The following PHLPP2 variants were observed in gnomAD, a reference collection of about 807,000 sequenced individuals.
The protein encoded by PHLPP2 is PH domain and leucine rich repeat protein phosphatase 2, also known as PH domain leucine-rich repeat-containing protein phosphatase 2.
PHLPP2 carries 66 observed loss-of-function variants against 124.9 expected under a neutral mutation model. That is an observed-to-expected ratio of 0.53 (90% CI 0.43 to 0.65). PHLPP2 has a LOEUF of 0.65. Among genes scored for constraint, PHLPP2 ranks in the 30% least tolerant of loss-of-function variants. The pLI, the probability that PHLPP2 is intolerant of heterozygous loss-of-function variation, is 0.00. For missense variants in PHLPP2, 1,685 were observed against 1,600.4 expected (o/e 1.05, Z -0.90); for synonymous variants, 681 against 624.7 (o/e 1.09, Z -1.34).
At position 71,695,266 on chromosome 16, in the gene PHLPP2, T is replaced by G. The variant is rs557190143; in HGVS notation, c.419-4557A>C. On this transcript the variant is annotated intron_variant, in intron 3 of 18. Coordinates refer to ENST00000568954, the MANE Select transcript of PHLPP2 (RefSeq NM_015020.3). ...ATAATTTCATTCTTAGAGATCACTCTGAAGGAATACAGGTGCATAAAGAGA... is the reference window on the plus strand; with the variant it reads ...ATAATTTCATTCTTAGAGATCACTCGGAAGGAATACAGGTGCATAAAGAGA... Among the ~76,000 whole-genome samples the G allele has an allele frequency of 7.7e-4, 117 of 152,342 alleles. 1 individual carries two copies. The highest frequency in any genetic ancestry group is 2.7e-3 in the African/African-American group (114 of 41,580).
chr16:71,664,641 A>G (rs1003022037), intron 12 of PHLPP2, among the ~76,000 whole-genome samples: 1 of 152,050 alleles, frequency 6.6e-6, no homozygotes, highest in Non-Finnish European at 1.5e-5. Flanking sequence ...AGTCCCAGCT[A>G]CTCGGGAGGC....
chr16:71,669,000 C>T (rs1370701503), intron 11 of PHLPP2, among the ~76,000 whole-genome samples: 1 of 152,162 alleles, frequency 6.6e-6, no homozygotes, highest in Non-Finnish European at 1.5e-5. Flanking sequence ...ACTATTATTA[C>T]TATCATGTCA....
intron 2 of PHLPP2, among the ~76,000 whole-genome samples, chr16:71,711,888 GA>G (rs2045326622): frequency 6.6e-6 from 1 of 152,188 alleles, no homozygotes; most frequent in Non-Finnish European, 1.5e-5. Context: ...AAACAATCTT[GA>G]AATAAGCATG....
intron 1 of PHLPP2, among the ~76,000 whole-genome samples, chr16:71,719,531 C>T (rs1331013686): frequency 2.0e-5 from 3 of 151,922 alleles, no homozygotes; most frequent in African/African-American, 7.3e-5. Flanking sequence ...CACAATGAGG[C>T]TATCTCTCTA....
At chr16:71,679,723 T>C (rs2044979486) in intron 6 of PHLPP2, among the ~76,000 whole-genome samples, 188 bp from the exon 7 acceptor site, 1 of 152,272 alleles carries the variant, frequency 6.6e-6, no homozygotes, top group Non-Finnish European at 1.5e-5. Context: ...GATGACTAAT[T>C]CACAGTCCAT....
At chr16:71,657,481 G>A (rs370302174) in intron 15 of PHLPP2, among the ~76,000 whole-genome samples, 20 of 151,416 alleles carry the variant, frequency 1.3e-4, no homozygotes, top group Admixed American at 9.9e-4. Context: ...TACAAGCTCC[G>A]CCTCCCGGGT....
Position 71,656,589 on chromosome 16 carries a change from A to T in PHLPP2, c.2372T>A (p.Met791Lys). 2 of 1,608,632 alleles carry T rather than the reference A, an allele frequency of 1.2e-6. No homozygotes were observed. Among genetic ancestry groups the T allele is most frequent in the Non-Finnish European group, 1.7e-6 (2 of 1,175,102 alleles). ...STFWSHGLAE[M>K]AGQRNKLCVS... Reference sequence around the variant, plus strand: ...TACTCACTTATTTCTCTGCCCTGCCATCTCAGCCAGTCCATGGCTCCAGAA... The same window carrying T: ...TACTCACTTATTTCTCTGCCCTGCCTTCTCAGCCAGTCCATGGCTCCAGAA... The change falls in exon 16 of 19, where the codon ATG (methionine) becomes AAG (lysine). Residue 791 changes from methionine to lysine, a missense_variant. By Grantham distance (95) the Met-to-Lys change is moderately conservative. Coordinates refer to ENST00000568954, the MANE Select transcript of PHLPP2 (RefSeq NM_015020.3).
Position 71,679,385 on chromosome 16 carries a change from T to G in PHLPP2, c.1037+4A>C. The G allele has an allele frequency of 6.2e-7, 1 of 1,613,210 alleles. No homozygotes were observed. Among genetic ancestry groups the G allele is most frequent in the Non-Finnish European group, 8.5e-7 (1 of 1,179,226 alleles). The stretch of plus-strand genomic sequence containing the variant: ...AAAAGAGGAATCTAGTAAAAGTTAC[T>G]TACTTTAGCAGATTGCCAATTTGAC... On this transcript the variant is annotated splice_donor_region_variant and intron_variant, in intron 7 of 18. Coordinates refer to ENST00000568954, the MANE Select transcript of PHLPP2 (RefSeq NM_015020.3).
chr16:71,665,047 C>T (rs1053216648), intron 12 of PHLPP2, among the ~76,000 whole-genome samples: 3 of 152,128 alleles, frequency 2.0e-5, no homozygotes, highest in South Asian at 2.1e-4. Context: ...AGGTGGCTCA[C>T]GCCTGTAATC....
Position 71,649,132 on chromosome 16 carries a change from A to C in PHLPP2, c.3730T>G (p.Ser1244Ala). 1 of 1,613,966 alleles carries C rather than the reference A, an allele frequency of 6.2e-7. No individual in the cohort carries two copies. Among genetic ancestry groups the C allele is most frequent in the Non-Finnish European group, 8.5e-7 (1 of 1,179,920 alleles). ...CLYGKKLSNG[S>A]IVPLEDSLNL... ...AGGCTGTCCTCTAGGGGCACAATAG[A>C]GCCATTGGAGAGTTTCTTCCCATAG... Residue 1244 changes from serine (S) to alanine (A), a missense_variant, in exon 19 of 19, where the codon TCT (serine) becomes GCT (alanine). By Grantham distance (99) the Ser-to-Ala change is moderately conservative. Coordinates refer to ENST00000568954, the MANE Select transcript of PHLPP2 (RefSeq NM_015020.3).
intron 4 of PHLPP2, among the ~76,000 whole-genome samples, chr16:71,688,604 G>A (rs2045075891): frequency 7.2e-6 from 1 of 138,626 alleles, no homozygotes; most frequent in Admixed American, 7.6e-5. Context: ...AAATTTCTCT[G>A]TGGGTTTTTT....
chr16:71,699,175 G>C (rs2045204241), intron 3 of PHLPP2, among the ~76,000 whole-genome samples: 1 of 152,176 alleles, frequency 6.6e-6, no homozygotes, highest in South Asian at 2.1e-4. Flanking sequence ...AGAGACAGGA[G>C]GCAGAGAAAT....
At position 71,676,950 on chromosome 16, in the gene PHLPP2, T is replaced by C. The variant is rs965956535; in HGVS notation, c.1269-301A>G. On this transcript the variant is annotated intron_variant, in intron 8 of 18. Coordinates refer to ENST00000568954, the MANE Select transcript of PHLPP2 (RefSeq NM_015020.3). ...TTTTAGTAGAGCTGGGGTTTCACCA[T>C]GTTGGCCAGGCTTGAACTCCTAACC... is the stretch of plus-strand genomic sequence containing the variant. 4.2e-5 allele frequency: 14 copies of C among 336,638 alleles called. 1 individual carries two copies. Among genetic ancestry groups the C allele is most frequent in the African/African-American group, 2.1e-4 (10 of 46,800 alleles). 20.9% of individuals were successfully genotyped at this position (336,638 alleles called of 1,614,324 possible).
chr16:71,675,527 T>C (rs987744686), intron 9 of PHLPP2, among the ~76,000 whole-genome samples: 2 of 152,302 alleles, frequency 1.3e-5, no homozygotes, highest in African/African-American at 4.8e-5. Context: ...AAAGGCTAAA[T>C]AGTAAACATT....
At chr16:71,700,977 C>T (rs922433740) in intron 3 of PHLPP2, among the ~76,000 whole-genome samples, 5 of 152,076 alleles carry the variant, frequency 3.3e-5, no homozygotes, top group South Asian at 2.1e-4. Context: ...GTTGTGAAGA[C>T]GCCTAGGAAG....
intron 6 of PHLPP2, among the ~76,000 whole-genome samples, chr16:71,681,440 C>A (rs537651799): frequency 3.3e-5 from 5 of 152,156 alleles, no homozygotes; most frequent in Non-Finnish European, 7.3e-5. Flanking sequence ...AAATTTTATA[C>A]TTCTAATTCA....
intron 2 of PHLPP2, among the ~76,000 whole-genome samples, chr16:71,708,097 C>A (rs12928187): frequency 6.6e-6 from 1 of 151,916 alleles, no homozygotes; most frequent in African/African-American, 2.4e-5. Context: ...TCGAAGCAGC[C>A]CTGAGAAACA....
chr16:71,713,717 A>G (rs2045338402), intron 2 of PHLPP2, among the ~76,000 whole-genome samples: 1 of 152,196 alleles, frequency 6.6e-6, no homozygotes, highest in Non-Finnish European at 1.5e-5. Flanking sequence ...ATACAGCACC[A>G]TGAGTTTTAA....
chr16:71,665,197 T>C (rs1013746817), intron 12 of PHLPP2, among the ~76,000 whole-genome samples: 5 of 151,982 alleles, frequency 3.3e-5, no homozygotes, highest in Admixed American at 3.3e-4. Flanking sequence ...TAATCCCAGC[T>C]ACTTGGGAGG....
Sources: allele counts gnomAD v4.1 joint callset (sites outside exome capture counted in the v4.1 genomes callset), GRCh38; gene constraint gnomAD v4.1.1; transcripts MANE v1.5; gene names NCBI Gene and HGNC (gene_info 2026-07-23, HGNC 2026-07-21).